SH3GL2: variants seen among roughly 807,000 people sequenced by gnomAD.
SH3GL2 encodes endophilin-A1.
Under a neutral mutation model 46.0 loss-of-function variants are expected in SH3GL2, and 24 were observed. The observed-to-expected ratio is 0.52, with a 90% CI of 0.38 to 0.73. The LOEUF is 0.73. Ranked by LOEUF, SH3GL2 falls within the 30% of genes least tolerant of loss-of-function variation. SH3GL2 has a pLI of 0.00. For synonymous variants in SH3GL2, 196 were observed against 147.1 expected, an observed-to-expected ratio of 1.33 and a Z score of -2.40; for missense variants, 413 against 424.2, an observed-to-expected ratio of 0.97 and a Z score of 0.23.
chr9:17,619,591 T>C (rs140718127), intron 1 of SH3GL2, among the ~76,000 whole-genome samples: 4 of 152,066 alleles, frequency 2.6e-5, no homozygotes, highest in Non-Finnish European at 5.9e-5. Flanking sequence ...GGCAGGAGAT[T>C]CGTTTGAACC....
chr9:17,782,945 A>T (rs77750366), intron 3 of SH3GL2, among the ~76,000 whole-genome samples: 5,963 of 152,032 alleles, frequency 0.039, 394 homozygotes, highest in African/African-American at 0.14. Flanking sequence ...CTTTGGACCA[A>T]TTCTGATTTT....
At chr9:17,752,279 T>C (rs983071836) in intron 2 of SH3GL2, among the ~76,000 whole-genome samples, 2 of 152,174 alleles carry the variant, frequency 1.3e-5, no homozygotes, top group Non-Finnish European at 2.9e-5. Flanking sequence ...TCTGTGATTG[T>C]TTATTGAGCT....
In SH3GL2 at chr9:17,789,076, C is replaced by T. The variant is rs1341407968; in HGVS notation, c.466-316C>T. On this transcript the variant is annotated intron_variant, in intron 5 of 8. Coordinates refer to ENST00000380607, the MANE Select transcript of SH3GL2 (RefSeq NM_003026.5). ...CATTGTGTGTAGGGCATGTGCATTC[C>T]TTCTCTGTTTCTGTCATGGGCTGCA... Among the ~76,000 whole-genome samples the T allele has an allele frequency of 4.6e-5, 7 of 152,198 alleles. 1 individual carries two copies. In the South Asian group the frequency reaches 6.2e-4, roughly 14 times the overall value.
At chr9:17,761,160 C>T (rs1168964476) in intron 2 of SH3GL2, among the ~76,000 whole-genome samples, 1 of 148,960 alleles carries the variant, frequency 6.7e-6, no homozygotes, top group Non-Finnish European at 1.5e-5. Context: ...ATTTTATTCA[C>T]CTTATTTTCA....
intron 1 of SH3GL2, among the ~76,000 whole-genome samples, chr9:17,608,360 A>G (rs1190474789): frequency 6.6e-6 from 1 of 151,948 alleles, no homozygotes; most frequent in Non-Finnish European, 1.5e-5. Context: ...GTTAGCCGGG[A>G]TGGTCTCGAT....
chr9:17,782,011 C>G (rs1356732265), intron 3 of SH3GL2, among the ~76,000 whole-genome samples: 1 of 152,160 alleles, frequency 6.6e-6, no homozygotes, highest in African/African-American at 2.4e-5. Context: ...TCACTTCTTT[C>G]AGAGTCCCCC....
chr9:17,794,711 G>T (rs1824230450), intron 8 of SH3GL2, among the ~76,000 whole-genome samples: 1 of 152,140 alleles, frequency 6.6e-6, no homozygotes, highest in Non-Finnish European at 1.5e-5. Flanking sequence ...GGGTCATTTG[G>T]AATAGATCCC....
At chr9:17,789,292 A>C in intron 5 of SH3GL2, 100 bp from the exon 6 acceptor site, 1 of 931,524 alleles carries the variant, frequency 1.1e-6, no homozygotes, top group Admixed American at 2.2e-5. Flanking sequence ...AACTTAGCCT[A>C]TCTTAATTTG....
chr9:17,630,993 G>C (rs769533527), intron 1 of SH3GL2, among the ~76,000 whole-genome samples: 1 of 151,816 alleles, frequency 6.6e-6, no homozygotes, highest in Non-Finnish European at 1.5e-5. Context: ...ATGATGGGGA[G>C]GAGAGATAAG....
chr9:17,668,755 C>G (rs1379006774), intron 1 of SH3GL2, among the ~76,000 whole-genome samples: 2 of 152,162 alleles, frequency 1.3e-5, no homozygotes, highest in Non-Finnish European at 2.9e-5. Flanking sequence ...GTCCTGGACT[C>G]TGGTGATCCT....
intron 1 of SH3GL2, among the ~76,000 whole-genome samples, chr9:17,681,663 A>G (rs370396148): frequency 7.9e-5 from 12 of 152,328 alleles, no homozygotes; most frequent in East Asian, 7.7e-4. Context: ...CATGACAAAA[A>G]TGCCAAAAGC....
intron 2 of SH3GL2, among the ~76,000 whole-genome samples, chr9:17,756,739 G>A (rs920914319): frequency 7.9e-5 from 12 of 152,004 alleles, no homozygotes; most frequent in Admixed American, 2.0e-4. Context: ...TGGACATTTG[G>A]GTTGGTTCCA....
chr9:17,795,570 C>A lies in SH3GL2; in HGVS notation c.886C>A (p.Arg296=), dbSNP rs1020453667. ...SGVQMDQPCC[R]ALYDFEPENE... ...TGTCCAAATGGATCAGCCCTGCTGC[C>A]GAGCTCTGTACGACTTTGAACCTGA... Residue 296 remains arginine, a synonymous_variant, in exon 9 of 9, where the codon CGA becomes AGA. Coordinates refer to ENST00000380607, the MANE Select transcript of SH3GL2 (RefSeq NM_003026.5). The A allele has an allele frequency of 6.2e-7, 1 of 1,613,938 alleles. No individual in the cohort carries two copies. The highest frequency in any genetic ancestry group is 1.7e-5 in the Admixed American group (1 of 60,000).
chr9:17,677,463 G>A (rs1026278161), intron 1 of SH3GL2, among the ~76,000 whole-genome samples: 7 of 151,752 alleles, frequency 4.6e-5, no homozygotes, highest in African/African-American at 1.7e-4. Flanking sequence ...CTTATTTGGG[G>A]GTCTGCAACA....
intron 1 of SH3GL2, among the ~76,000 whole-genome samples, chr9:17,657,416 C>T (rs1299901171): frequency 6.6e-6 from 1 of 152,176 alleles, no homozygotes; most frequent in Admixed American, 6.5e-5. Flanking sequence ...GTAGATGTGA[C>T]CTCTCTGGTC....
At chr9:17,747,255 G>A (rs995775089) in intron 2 of SH3GL2, 121 bp downstream of exon 2, 3 of 581,674 alleles carry the variant, frequency 5.2e-6, no homozygotes, top group East Asian at 3.0e-5. Flanking sequence ...ACTACATTTT[G>A]TTATTTAAAA....
At chr9:17,756,501 A>G (rs1305988701) in intron 2 of SH3GL2, among the ~76,000 whole-genome samples, 2 of 101,292 alleles carry the variant, frequency 2.0e-5, no homozygotes, top group South Asian at 3.6e-4. Context: ...GCAGGCCCCC[A>G]TGTGTGATGT....
intron 1 of SH3GL2, among the ~76,000 whole-genome samples, chr9:17,718,985 TA>T (rs1442634842): frequency 6.6e-6 from 1 of 152,146 alleles, no homozygotes; most frequent in Non-Finnish European, 1.5e-5. Context: ...ATCAGGAATT[TA>T]AATCCTAAGG....
intron 1 of SH3GL2, among the ~76,000 whole-genome samples, chr9:17,658,244 C>T (rs1310387050): frequency 6.6e-6 from 1 of 152,112 alleles, no homozygotes; most frequent in Admixed American, 6.6e-5. Flanking sequence ...GCCGTTGTCC[C>T]CTCAGATGGG....
Sources: allele counts gnomAD v4.1 joint callset (sites outside exome capture counted in the v4.1 genomes callset), GRCh38; gene constraint gnomAD v4.1.1; transcripts MANE v1.5; gene names NCBI Gene and HGNC (gene_info 2026-07-23, HGNC 2026-07-21).